The following LINGO1 variants were observed in gnomAD, a reference collection of about 807,000 sequenced individuals.
The protein encoded by LINGO1 is leucine-rich repeat and immunoglobulin-like domain-containing nogo receptor-interacting protein 1.
LINGO1 carries 11 observed loss-of-function variants against 37.3 expected under a neutral mutation model. That is an observed-to-expected ratio of 0.29 (90% CI 0.19 to 0.49). The LOEUF is 0.49. Among genes scored for constraint, LINGO1 ranks in the 20% least tolerant of loss-of-function variants. LINGO1 has a pLI of 0.99. For missense variants in LINGO1, 585 were observed against 878.2 expected (o/e 0.67, Z 4.22); for synonymous variants, 387 against 403.0 (o/e 0.96, Z 0.48).
intron 1 of LINGO1, among the ~76,000 whole-genome samples, chr15:77,622,489 G>A (rs916054911): frequency 1.5e-4 from 23 of 152,280 alleles, no homozygotes; most frequent in African/African-American, 4.6e-4. Flanking sequence ...TAGCTGGGGA[G>A]GGAGACTCAG....
At chr15:77,813,342 G>C (rs868375238) in intron 1 of LINGO1, among the ~76,000 whole-genome samples, 7 of 152,222 alleles carry the variant, frequency 4.6e-5, no homozygotes, top group Non-Finnish European at 8.8e-5. Context: ...GGAGGACAGC[G>C]ACAGCCCATC....
At chr15:77,803,640 T>C (rs2076936682) in intron 1 of LINGO1, among the ~76,000 whole-genome samples, 1 of 152,036 alleles carries the variant, frequency 6.6e-6, no homozygotes, top group South Asian at 2.1e-4. Context: ...CTTGGTGCTG[T>C]CCTCGTGATA....
intron 1 of LINGO1, among the ~76,000 whole-genome samples, chr15:77,804,400 C>G (rs969444678): frequency 6.6e-6 from 1 of 152,036 alleles, no homozygotes; most frequent in African/African-American, 2.4e-5. Context: ...TGTGTGAGTC[C>G]CTAGAAGTAG....
intron 2 of LINGO1, among the ~76,000 whole-genome samples, chr15:77,685,293 C>G (rs1365043303): frequency 1.3e-5 from 2 of 152,124 alleles, no homozygotes; most frequent in Non-Finnish European, 2.9e-5. Context: ...CAGGCCAGCT[C>G]CGCCTTTGCA....
At chr15:77,753,872 C>T (rs1024383619) in intron 1 of LINGO1, among the ~76,000 whole-genome samples, 1 of 152,240 alleles carries the variant, frequency 6.6e-6, no homozygotes. Flanking sequence ...CCCAAAGAGG[C>T]AGGGAACCCC....
chr15:77,628,219 C>T (rs1567467334), intron 1 of LINGO1, among the ~76,000 whole-genome samples: 1 of 152,138 alleles, frequency 6.6e-6, no homozygotes, highest in Non-Finnish European at 1.5e-5. Flanking sequence ...AGCTGTGTGC[C>T]CCAGAGACAC....
intron 1 of LINGO1, among the ~76,000 whole-genome samples, chr15:77,813,695 G>T (rs1316363682): frequency 1.3e-5 from 2 of 152,196 alleles, no homozygotes; most frequent in Non-Finnish European, 2.9e-5. Context: ...AATTACAGCC[G>T]TGAAATAGCA....
intron 2 of LINGO1, among the ~76,000 whole-genome samples, chr15:77,681,617 G>A (rs2075415201): frequency 6.6e-6 from 1 of 152,194 alleles, no homozygotes; most frequent in African/African-American, 2.4e-5. Flanking sequence ...AATGGTTTTT[G>A]CTGATTGATT....
At chr15:77,625,021 G>A (rs868700487) in intron 1 of LINGO1, among the ~76,000 whole-genome samples, 86 of 152,304 alleles carry the variant, frequency 5.6e-4, no homozygotes, top group African/African-American at 1.6e-3. Context: ...ATCCCCACTC[G>A]TCCTCTCACA....
intron 1 of LINGO1, among the ~76,000 whole-genome samples, chr15:77,801,556 T>C (rs4075024): frequency 0.19 from 29,584 of 151,926 alleles, 3,018 homozygotes; most frequent in African/African-American, 0.25. Flanking sequence ...GGTCTTCTGT[T>C]GTAATCAGAA....
At chr15:77,676,168 G>A (rs536285313) in intron 3 of LINGO1, among the ~76,000 whole-genome samples, 4 of 152,348 alleles carry the variant, frequency 2.6e-5, no homozygotes, top group Middle Eastern at 3.4e-3. Context: ...ATCAGGAAAT[G>A]CCCTTGATTG....
At chr15:77,766,887 T>A (rs1273874381) in intron 1 of LINGO1, among the ~76,000 whole-genome samples, 5 of 152,040 alleles carry the variant, frequency 3.3e-5, no homozygotes, top group South Asian at 2.1e-4. Context: ...GCAGAATTTT[T>A]AAAAAAAAAT....
intron 1 of LINGO1, among the ~76,000 whole-genome samples, chr15:77,621,260 G>T (rs1225392161): frequency 6.6e-6 from 1 of 152,136 alleles, no homozygotes; most frequent in Non-Finnish European, 1.5e-5. Flanking sequence ...TCACCATGTT[G>T]GCCAGGCTGG....
intron 1 of LINGO1, among the ~76,000 whole-genome samples, chr15:77,694,247 G>A (rs542915509): frequency 2.6e-5 from 4 of 151,998 alleles, no homozygotes; most frequent in African/African-American, 9.7e-5. Context: ...GGACTTCACA[G>A]ATCACAGAAC....
At chr15:77,644,340 T>G (rs766824176) in intron 3 of LINGO1, among the ~76,000 whole-genome samples, 2 of 152,156 alleles carry the variant, frequency 1.3e-5, no homozygotes, top group Non-Finnish European at 2.9e-5. Flanking sequence ...GGCTGTGCCC[T>G]CTCTCTCTAT....
chr15:77,818,920 C>T (rs947534960), intron 1 of LINGO1, among the ~76,000 whole-genome samples: 1 of 151,666 alleles, frequency 6.6e-6, no homozygotes, highest in Non-Finnish European at 1.5e-5. Context: ...GTTCTCTTCT[C>T]TGGAAAGGAA....
At chr15:77,778,091 G>A (rs1418619878) in intron 1 of LINGO1, among the ~76,000 whole-genome samples, 1 of 152,196 alleles carries the variant, frequency 6.6e-6, no homozygotes, top group African/African-American at 2.4e-5. Flanking sequence ...GTGTTGGGGG[G>A]ACTGGCTCCT....
intron 2 of LINGO1, among the ~76,000 whole-genome samples, chr15:77,687,995 C>T (rs527842775): frequency 2.0e-4 from 30 of 152,290 alleles, no homozygotes; most frequent in Non-Finnish European, 2.6e-4. Context: ...TGCTTTTAAG[C>T]CACCTTGCTG....
chr15:77,772,336 C>A (rs1225582125), intron 1 of LINGO1, among the ~76,000 whole-genome samples: 1 of 152,226 alleles, frequency 6.6e-6, no homozygotes, highest in Non-Finnish European at 1.5e-5. Context: ...AATTCCAGGG[C>A]AATTTGGGGC....
Sources: allele counts gnomAD v4.1 joint callset (sites outside exome capture counted in the v4.1 genomes callset), GRCh38; gene constraint gnomAD v4.1.1; transcripts MANE v1.5; gene names NCBI Gene and HGNC (gene_info 2026-07-23, HGNC 2026-07-21).